GPAT3: variants seen among roughly 807,000 people sequenced by gnomAD.
GPAT3 encodes the protein 1-AGP acyltransferase 9.
In GPAT3, 53 loss-of-function variants were observed where a neutral mutation model predicts 58.8. That is an observed-to-expected ratio of 0.90 (90% CI 0.72 to 1.13). The LOEUF is 1.13. Ranked by LOEUF, GPAT3 falls within the 50% of genes most tolerant of loss-of-function variation. GPAT3 has a pLI of 0.00. For missense variants in GPAT3, 511 were observed against 527.6 expected, an observed-to-expected ratio of 0.97 and a Z score of 0.31; for synonymous variants, 197 against 187.4, an observed-to-expected ratio of 1.05 and a Z score of -0.42.
At position 83,578,578 on chromosome 4, in the gene GPAT3, C is replaced by T. The variant is rs563171328; in HGVS notation, c.209-2984C>T. The stretch of plus-strand genomic sequence containing the variant: ...TTTTAGGAAGGCTGTCTATTGTCCC[C>T]AGTGTATTTCATTCAGAAATTTGCT... On this transcript the variant is annotated intron_variant, in intron 2 of 11. Coordinates refer to ENST00000264409, the MANE Select transcript of GPAT3 (RefSeq NM_032717.5). 1.0e-3 allele frequency among the ~76,000 whole-genome samples: 159 copies of T among 152,304 alleles called. 2 individuals are homozygous for T. The highest frequency in any genetic ancestry group is 3.6e-3 in the African/African-American group (150 of 41,560).
intron 3 of GPAT3, among the ~76,000 whole-genome samples, chr4:83,583,395 C>A (rs1460958884): frequency 3.3e-5 from 5 of 150,428 alleles, no homozygotes; most frequent in African/African-American, 9.8e-5. Context: ...AGCCCAGGGG[C>A]ATGGTGGCTC....
chr4:83,597,381 AAT>A, intron 8 of GPAT3, 47 bp from the exon 9 acceptor site: 1 of 996,990 alleles, frequency 1.0e-6, no homozygotes, highest in Non-Finnish European at 1.4e-6. Context: ...TTATTTTTAA[AAT>A]GACTGCCTTT....
At chr4:83,590,885 CTTTTTTTTT>C (rs5859882) in intron 6 of GPAT3, among the ~76,000 whole-genome samples, 4 of 114,328 alleles carry the variant, frequency 3.5e-5, no homozygotes, top group African/African-American at 6.4e-5. Flanking sequence ...GAATCATATT[CTTTTTTTTT>C]TTTTTTTTTT....
At chr4:83,590,885 C>CT (rs5859882) in intron 6 of GPAT3, among the ~76,000 whole-genome samples, 26,867 of 114,296 alleles carry the variant, frequency 0.24, 3,692 homozygotes, top group South Asian at 0.33. Flanking sequence ...GAATCATATT[C>CT]TTTTTTTTTT....
chr4:83,588,204 C>G lies in GPAT3; in HGVS notation c.555-6C>G. 1 of 1,613,574 alleles carries G rather than the reference C, an allele frequency of 6.2e-7. No individual in the cohort carries two copies. The highest frequency in any genetic ancestry group is 1.1e-5 in the South Asian group (1 of 91,026). ...TGGCACAATAAAATGTTTCTATTTCCTTCAGCCTCAAAAACTGGCTGAGTG... is the reference window on the plus strand; with the variant it reads ...TGGCACAATAAAATGTTTCTATTTCGTTCAGCCTCAAAAACTGGCTGAGTG... On this transcript the variant is annotated splice_polypyrimidine_tract_variant and splice_region_variant and intron_variant, in intron 4 of 11. Transcript: ENST00000264409.
At chr4:83,595,713 TA>T (rs113323142) in intron 7 of GPAT3, among the ~76,000 whole-genome samples, 284 of 142,976 alleles carry the variant, frequency 2.0e-3, no homozygotes, top group East Asian at 4.6e-3. Flanking sequence ...GACCTTGTCT[TA>T]AAAAAAAAAA....
rs1317205793 is a variant in GPAT3 at position 83,536,142 on chromosome 4, C to G, written c.-481C>G. 2 of 985,828 alleles carry G rather than the reference C, an allele frequency of 2.0e-6. No homozygotes were observed. The highest frequency in any genetic ancestry group is 1.1e-4 in the East Asian group (1 of 8,794). 61.1% of individuals were successfully genotyped at this position (985,828 alleles called of 1,614,324 possible). A position where few individuals can be genotyped will look rare whatever the true frequency, so the allele number is the denominator to read the frequency against. ...CACAGCCCGCGGCCCGGTGCCAGCT[C>G]CGCCGGCGACCGGTGTGCCAAAGTG... On this transcript the variant is annotated 5_prime_UTR_variant, in exon 1 of 12. Coordinates refer to ENST00000264409, the MANE Select transcript of GPAT3 (RefSeq NM_032717.5).
chr4:83,592,655 T>A (rs1726648084), intron 6 of GPAT3, among the ~76,000 whole-genome samples: 1 of 152,130 alleles, frequency 6.6e-6, no homozygotes, highest in South Asian at 2.1e-4. Context: ...TTTTTTAAAT[T>A]TAGAAATGTT....
rs1189353771 is a variant in GPAT3, at chr4:83,604,573, A to G, written c.1206-95A>G. ...TCCCTTATTTCATCCCAGCTGCCTA[A>G]GCGTCATGGTATCATGCAGCATGTA... On this transcript the variant is annotated intron_variant, in intron 11 of 11. Transcript: ENST00000264409. The G allele has an allele frequency of 1.2e-5, 11 of 913,608 alleles. No individual in the cohort carries two copies. In the Admixed American group the frequency reaches 2.3e-4, roughly 19 times the overall value. The allele number at this position is 913,608 out of a possible 1,614,324, so 56.6% of individuals were successfully genotyped here.
At chr4:83,578,989 C>T (rs75855009) in intron 2 of GPAT3, among the ~76,000 whole-genome samples, 34,680 of 57,842 alleles carry the variant, frequency 0.6, 10,085 homozygotes, top group Middle Eastern at 0.65. Flanking sequence ...TCTTTCTTTC[C>T]TTCCTTCCTT....
At chr4:83,562,214 T>TATATATATATA (rs1198540008) in intron 2 of GPAT3, among the ~76,000 whole-genome samples, 33 of 77,076 alleles carry the variant, frequency 4.3e-4, no homozygotes, top group Middle Eastern at 5.4e-3. Flanking sequence ...ATATATATTA[T>TATATATATATA]ATATATATAT....
intron 2 of GPAT3, among the ~76,000 whole-genome samples, chr4:83,570,621 C>T (rs114115628): frequency 0.016 from 2,462 of 152,034 alleles, 33 homozygotes; most frequent in Non-Finnish European, 0.025. Flanking sequence ...TACAGATGTG[C>T]ACCACCATGC....
At chr4:83,598,985 C>CAGTGTATTATATAA in intron 11 of GPAT3, among the ~76,000 whole-genome samples, 1 of 151,454 alleles carries the variant, frequency 6.6e-6, no homozygotes, top group Non-Finnish European at 1.5e-5. Context: ...GATGGGGTGT[C>CAGTGTATTATATAA]CTTGTGTTGC....
intron 5 of GPAT3, among the ~76,000 whole-genome samples, chr4:83,589,322 T>G (rs1726502582): frequency 6.6e-6 from 1 of 152,244 alleles, no homozygotes; most frequent in Non-Finnish European, 1.5e-5. Context: ...TGTCAAATAC[T>G]GGTTTCACTC....
Position 83,581,765 on chromosome 4 carries a change from A to C in GPAT3, c.412A>C (p.Ser138Arg). Residue 138 changes from serine (S) to arginine (R), a missense_variant, in exon 3 of 12, where the codon AGT becomes CGT. Transcript: ENST00000264409. ...AACCAATGTAAATTTCCAGTACATC[A>C]GTCTGCGGCTCACTATGGTGTGGGT... is the stretch of plus-strand genomic sequence containing the variant. ...TRTNVNFQYI[S>R]LRLTMVWVLG... 6.2e-7 allele frequency: 1 copy of C among 1,614,152 alleles called. No individual in the cohort carries two copies.
intron 11 of GPAT3, among the ~76,000 whole-genome samples, chr4:83,602,761 C>T (rs951362623): frequency 6.6e-6 from 1 of 152,134 alleles, no homozygotes; most frequent in Admixed American, 6.5e-5. Context: ...AGGAGAAAGG[C>T]CTTTCTTATT....
chr4:83,555,607 A>G (rs1375436680), intron 2 of GPAT3, among the ~76,000 whole-genome samples: 1 of 152,182 alleles, frequency 6.6e-6, no homozygotes, highest in Non-Finnish European at 1.5e-5. Context: ...GCTTTAAAAT[A>G]TCCTTTGTAA....
chr4:83,560,637 TG>T (rs1316021852), intron 2 of GPAT3, among the ~76,000 whole-genome samples: 1 of 152,164 alleles, frequency 6.6e-6, no homozygotes, highest in Non-Finnish European at 1.5e-5. Context: ...TGATACAGTT[TG>T]GATGTGTCCT....
chr4:83,571,922 G>A (rs185815420), intron 2 of GPAT3, among the ~76,000 whole-genome samples: 25 of 151,988 alleles, frequency 1.6e-4, no homozygotes, highest in Admixed American at 5.9e-4. Flanking sequence ...ACAGGTGCCT[G>A]CCATCACACT....
Sources: allele counts gnomAD v4.1 joint callset (sites outside exome capture counted in the v4.1 genomes callset), GRCh38; gene constraint gnomAD v4.1.1; transcripts MANE v1.5; gene names NCBI Gene and HGNC (gene_info 2026-07-23, HGNC 2026-07-21).